The following MAST4 variants were observed in gnomAD, a reference collection of about 807,000 sequenced individuals.
The protein encoded by MAST4 is microtubule associated serine/threonine kinase family member 4.
In MAST4, 89 loss-of-function variants were observed where a neutral mutation model predicts 162.7. The ratio of observed to expected loss-of-function variants is 0.55; its 90% CI spans 0.46 to 0.65. The LOEUF is 0.65. Ranked by LOEUF, MAST4 falls within the 30% of genes least tolerant of loss-of-function variation. The pLI is 0.00. For missense variants in MAST4, 3,153 were observed against 3,374.0 expected (o/e 0.93, Z 1.62); for synonymous variants, 1,479 against 1,361.1 (o/e 1.09, Z -1.91).
chr5:66,662,383 GT>G (rs1214276833), intron 1 of MAST4: 1 of 152,156 alleles, frequency 6.6e-6, no homozygotes. Context: ...AGAAAGAGTT[GT>G]CTTTAGAGTC....
intron 1 of MAST4, among the ~76,000 whole-genome samples, chr5:66,614,879 G>T (rs1743563819): frequency 6.6e-6 from 1 of 152,142 alleles, no homozygotes; most frequent in African/African-American, 2.4e-5. Flanking sequence ...TGCAGCGAAA[G>T]ACAAGGCATC....
chr5:66,879,774 A>G (rs540540158), intron 3 of MAST4, among the ~76,000 whole-genome samples: 1 of 152,310 alleles, frequency 6.6e-6, no homozygotes, highest in Non-Finnish European at 1.5e-5. Context: ...TGGCCTCCCA[A>G]AGTTCTGGGA....
chr5:66,780,762 G>A (rs1754832014), intron 2 of MAST4, among the ~76,000 whole-genome samples: 1 of 150,954 alleles, frequency 6.6e-6, no homozygotes, highest in Admixed American at 6.6e-5. Context: ...TTTACAGAGT[G>A]CTGATTGGTG....
At chr5:66,972,015 A>G (rs1277140531) in intron 4 of MAST4, among the ~76,000 whole-genome samples, 1 of 152,208 alleles carries the variant, frequency 6.6e-6, no homozygotes, top group Non-Finnish European at 1.5e-5. Flanking sequence ...TTAAAAAAAA[A>G]AGTCATTTCT....
At chr5:66,893,353 G>A (rs987265245) in intron 3 of MAST4, among the ~76,000 whole-genome samples, 2 of 151,592 alleles carry the variant, frequency 1.3e-5, no homozygotes, top group South Asian at 2.1e-4. Flanking sequence ...CCACAGGCAC[G>A]TGCCACCACG....
chr5:66,602,320 A>G (rs1742607789), intron 1 of MAST4, among the ~76,000 whole-genome samples: 1 of 152,150 alleles, frequency 6.6e-6, no homozygotes, highest in Non-Finnish European at 1.5e-5. Flanking sequence ...AACACGCATT[A>G]CCAGTCTTTC....
chr5:66,965,885 C>T (rs1746666699), intron 4 of MAST4, among the ~76,000 whole-genome samples: 1 of 152,108 alleles, frequency 6.6e-6, no homozygotes, highest in Non-Finnish European at 1.5e-5. Flanking sequence ...ACTGAGGAAA[C>T]GTACCTTATC....
At chr5:66,839,870 A>G (rs1758291988) in intron 3 of MAST4, among the ~76,000 whole-genome samples, 1 of 152,096 alleles carries the variant, frequency 6.6e-6, no homozygotes, top group Non-Finnish European at 1.5e-5. Context: ...AACACATGAC[A>G]TGTACATTTT....
At position 66,883,575 on chromosome 5, in the gene MAST4, C is replaced by T. The variant is rs533255731; in HGVS notation, c.643-16376C>T. Among the ~76,000 whole-genome samples the T allele has an allele frequency of 2.4e-4, 37 of 151,696 alleles. No homozygotes were observed. The South Asian group carries it at 6.7e-3, about 28-fold the overall frequency. On this transcript the variant is annotated intron_variant, in intron 3 of 28. Transcript: ENST00000403625. ...TCCCGAGTAGCTGGGACTACAGGTG[C>T]GCACCACCAGACCCGGCTAATTTTT... is the stretch of plus-strand genomic sequence containing the variant.
chr5:66,837,569 T>G (rs1758065046), intron 3 of MAST4, among the ~76,000 whole-genome samples: 1 of 152,036 alleles, frequency 6.6e-6, no homozygotes, highest in Non-Finnish European at 1.5e-5. Context: ...TTTAATTTGG[T>G]GCATGTCTCT....
intron 1 of MAST4, among the ~76,000 whole-genome samples, chr5:66,749,735 C>A (rs1190882202): frequency 2.0e-5 from 3 of 152,196 alleles, no homozygotes; most frequent in Non-Finnish European, 4.4e-5. Context: ...TTTATTGTTA[C>A]TAACATCTCA....
Position 67,163,617 on chromosome 5 carries a change from T to C in MAST4, c.4438T>C (p.Ser1480Pro). 6.2e-7 allele frequency: 1 copy of C among 1,603,418 alleles called. No individual in the cohort carries two copies. Among genetic ancestry groups the C allele is most frequent in the Non-Finnish European group, 8.5e-7 (1 of 1,175,612 alleles). ...CCAAGAGGAGGTGCAGCGGGAGCAGTCCCAGCGGGAGGCGCCGCTGCAGAG... is the reference window on the plus strand; with the variant it reads ...CCAAGAGGAGGTGCAGCGGGAGCAGCCCCAGCGGGAGGCGCCGCTGCAGAG... ...VTQEEVQREQ[S>P]QREAPLQSLD... Residue 1480 changes from serine (S) to proline (P), a missense_variant, in exon 29 of 29, where the codon TCC becomes CCC. Physicochemically the swap from Ser to Pro is moderately conservative, Grantham distance 74. Around this residue, in one of 7 missense-constraint regions of MAST4, gnomAD observed 1,644 missense variants for 1,495.0 expected, o/e 1.10. Coordinates refer to ENST00000403625, the MANE Select transcript of MAST4 (RefSeq NM_001164664.2). The surrounding 1 kb of genome is among the most constrained non-coding windows in gnomAD (Gnocchi z 7.0).
chr5:66,746,349 AGT>A (rs1424258842), intron 1 of MAST4, among the ~76,000 whole-genome samples: 1 of 152,188 alleles, frequency 6.6e-6, no homozygotes, highest in Non-Finnish European at 1.5e-5. Context: ...ACCTTGCCAC[AGT>A]GAGCCTTTCT....
intron 3 of MAST4, among the ~76,000 whole-genome samples, chr5:66,886,446 A>C (rs1444532275): frequency 6.6e-6 from 1 of 151,986 alleles, no homozygotes; most frequent in Non-Finnish European, 1.5e-5. Flanking sequence ...GGCTGCCTAA[A>C]ACTTTGTGTT....
intron 1 of MAST4, among the ~76,000 whole-genome samples, chr5:66,640,527 C>T (rs1350205551): frequency 6.6e-6 from 1 of 152,110 alleles, no homozygotes; most frequent in Non-Finnish European, 1.5e-5. Flanking sequence ...CCAGGATGGT[C>T]TCTATCTCCT....
At chr5:66,631,295 C>T (rs374637324) in intron 1 of MAST4, among the ~76,000 whole-genome samples, 4 of 152,100 alleles carry the variant, frequency 2.6e-5, no homozygotes, top group East Asian at 1.9e-4. Context: ...TAGAAAGCTG[C>T]GATCGATGGT....
intron 19 of MAST4, among the ~76,000 whole-genome samples, chr5:67,140,416 A>T (rs372762639): frequency 1.3e-5 from 2 of 152,340 alleles, no homozygotes; most frequent in East Asian, 1.9e-4. Context: ...GGTGGGCTGG[A>T]GTGAGGCTCT....
At chr5:67,036,867 G>A (rs966040530) in intron 4 of MAST4, among the ~76,000 whole-genome samples, 48 of 152,072 alleles carry the variant, frequency 3.2e-4, no homozygotes, top group Non-Finnish European at 1.2e-4. Context: ...AGCATTTTTG[G>A]AGTAATCCCA....
intron 2 of MAST4, among the ~76,000 whole-genome samples, chr5:66,786,285 T>TA (rs1755116476): frequency 6.6e-6 from 1 of 152,068 alleles, no homozygotes; most frequent in South Asian, 2.1e-4. Flanking sequence ...TTTTTTTTTT[T>TA]AATCTACGTT....
Sources: gnomAD v4.1 joint callset for allele counts (sites outside exome capture counted in the v4.1 genomes callset) on GRCh38, gnomAD v4.1.1 for gene constraint, gnomAD v4.1.1 regional missense constraint, Gnocchi (gnomAD v3.1) non-coding constraint, MANE v1.5 for transcripts, NCBI Gene and HGNC (gene_info 2026-07-23, HGNC 2026-07-21) for gene names.